The following ZNF3 variants were observed in gnomAD, a reference collection of about 807,000 sequenced individuals.
ZNF3 encodes zinc finger protein 3, also known as C2-H2 type zinc finger protein.
Under a neutral mutation model 36.9 loss-of-function variants are expected in ZNF3, and 16 were observed. The ratio of observed to expected loss-of-function variants is 0.43; its 90% CI spans 0.29 to 0.66. The LOEUF (loss-of-function observed/expected upper bound fraction) is 0.66, where lower values mean the gene tolerates loss of function less well. Ranked by LOEUF, ZNF3 falls within the 30% of genes least tolerant of loss-of-function variation. The probability of loss-of-function intolerance (pLI) is 0.13; values close to 1 mark genes in which losing one functional copy is unlikely to be tolerated. For synonymous variants in ZNF3, 201 were observed against 201.9 expected (o/e 1.00, Z 0.04); for missense variants, 462 against 543.1 (o/e 0.85, Z 1.48).
At chr7:100,080,869 T>C (rs1031214665) in intron 1 of ZNF3, among the ~76,000 whole-genome samples, 2 of 152,360 alleles carry the variant, frequency 1.3e-5, no homozygotes. Context: ...CGACTGTCCA[T>C]CAAACACGTA....
downstream of ZNF3, among the ~76,000 whole-genome samples, chr7:100,067,790 C>G (rs929106835): frequency 1.3e-5 from 2 of 152,324 alleles, no homozygotes; most frequent in African/African-American, 4.8e-5. Flanking sequence ...CCATCACTTG[C>G]AAATCCCATC....
intron 3 of ZNF3, among the ~76,000 whole-genome samples, chr7:100,076,588 G>A (rs568010165): frequency 1.3e-5 from 2 of 152,152 alleles, no homozygotes; most frequent in African/African-American, 4.8e-5. Context: ...CACCGCGCTC[G>A]GCCGCAAAGT....
chr7:100,080,907 A>G (rs1794899147), intron 1 of ZNF3, among the ~76,000 whole-genome samples: 1 of 152,230 alleles, frequency 6.6e-6, no homozygotes, highest in Non-Finnish European at 1.5e-5. Context: ...CTCTCCACAG[A>G]TGTCTTTTCT....
chr7:100,074,272 T>G (rs1254375880), intron 5 of ZNF3, among the ~76,000 whole-genome samples: 2 of 152,034 alleles, frequency 1.3e-5, no homozygotes, highest in African/African-American at 4.8e-5. Context: ...CACCTCCACT[T>G]TATTTACTTA....
chr7:100,065,024 C>CT, downstream of ZNF3: 1 of 1,347,434 alleles, frequency 7.4e-7, no homozygotes, highest in Non-Finnish European at 1.0e-6. Flanking sequence ...TCAGAATAAA[C>CT]TTATAACATC....
At position 100,070,391 on chromosome 7, in the gene ZNF3, A is replaced by C; in HGVS notation, c.*752T>G. 2.0e-6 allele frequency: 2 copies of C among 985,466 alleles called. No homozygotes were observed. The highest frequency in any genetic ancestry group is 2.4e-6 in the Non-Finnish European group (2 of 829,988). 61.0% of individuals were successfully genotyped at this position (985,466 alleles called of 1,614,324 possible). On this transcript the variant is annotated 3_prime_UTR_variant, in exon 6 of 6. Transcript: ENST00000299667. Reference sequence around the variant, plus strand: ...GGGAAGAGGACAAGAGAGGACAGCAATCAGAGGCCAACGCTAAGTGCTTCT... The same window carrying C: ...GGGAAGAGGACAAGAGAGGACAGCACTCAGAGGCCAACGCTAAGTGCTTCT...
At chr7:100,064,125 T>C in exon 6 of ZNF3, 1 of 1,614,054 alleles carries the variant, frequency 6.2e-7, no homozygotes, top group Non-Finnish European at 8.5e-7. Context: ...GCACCAAGTG[T>C]GGGAAAGCTT....
chr7:100,080,255 G>A (rs534007362), intron 1 of ZNF3, among the ~76,000 whole-genome samples: 3 of 152,216 alleles, frequency 2.0e-5, no homozygotes, highest in Non-Finnish European at 4.4e-5. Flanking sequence ...GCACAGCTGA[G>A]CCATTAGAAG....
At chr7:100,064,998 C>T, downstream of ZNF3, 1 of 1,531,938 alleles carries the variant, frequency 6.5e-7, no homozygotes, top group Non-Finnish European at 8.9e-7. Flanking sequence ...CCACATTGAA[C>T]ACAATTGAAT....
downstream of ZNF3, chr7:100,063,908 A>G (rs1792479507): frequency 1.2e-6 from 2 of 1,614,196 alleles, no homozygotes; most frequent in Non-Finnish European, 1.7e-6. Context: ...GCCAGCTTAG[A>G]GAGGCAGTGC....
downstream of ZNF3, among the ~76,000 whole-genome samples, chr7:100,068,915 T>C (rs190060630): frequency 6.6e-6 from 1 of 151,922 alleles, no homozygotes; most frequent in Non-Finnish European, 1.5e-5. Context: ...CACCTGCATT[T>C]AAGCGATTCT....
chr7:100,081,390 C>A lies in ZNF3; in HGVS notation c.-198+245G>T, dbSNP rs1334060438. Reference sequence around the variant, plus strand: ...CTTTTAAACGCTCCAGCTGGGTCGCCGTTAAAGTCACAAAACCAGAACCGG... The same window carrying A: ...CTTTTAAACGCTCCAGCTGGGTCGCAGTTAAAGTCACAAAACCAGAACCGG... On this transcript the variant is annotated intron_variant, in intron 1 of 5. Coordinates refer to ENST00000299667, the MANE Select transcript of ZNF3 (RefSeq NM_032924.5). This position sits in a 1 kb window ranked among gnomAD's most constrained non-coding sequence, Gnocchi z 4.3. 2.0e-5 allele frequency among the ~76,000 whole-genome samples: 3 copies of A among 152,236 alleles called. No homozygotes were observed.
intron 5 of ZNF3, among the ~76,000 whole-genome samples, chr7:100,073,611 A>G (rs1584428589): frequency 6.6e-6 from 1 of 151,774 alleles, no homozygotes; most frequent in African/African-American, 2.4e-5. Context: ...CAGTCTCCCA[A>G]AGTGCTGGGA....
In ZNF3 at chr7:100,070,249, G is replaced by T; in HGVS notation, c.*894C>A. On this transcript the variant is annotated 3_prime_UTR_variant, in exon 6 of 6. Coordinates refer to ENST00000299667, the MANE Select transcript of ZNF3 (RefSeq NM_032924.5). ...AAGAGTCAGAGGTGGAGGCAGGAGT[G>T]GTCTGGCTCCTGGGGCTGGGTGTCA... The T allele has an allele frequency of 2.0e-6, 2 of 985,486 alleles. No individual in the cohort carries two copies. Among genetic ancestry groups the T allele is most frequent in the Non-Finnish European group, 2.4e-6 (2 of 830,012 alleles). 61.0% of individuals were successfully genotyped at this position (985,486 alleles called of 1,614,324 possible).
Position 100,070,947 on chromosome 7 carries a change from C to T in ZNF3, c.*196G>A, listed in dbSNP as rs575445551. The T allele has an allele frequency of 2.7e-5, 37 of 1,374,852 alleles. No individual in the cohort carries two copies. The highest frequency in any genetic ancestry group is 2.0e-4 in the African/African-American group (14 of 69,090). The allele number at this position is 1,374,852 out of a possible 1,614,324, so 85.2% of individuals were successfully genotyped here. A position where few individuals can be genotyped will look rare whatever the true frequency, so the allele number is the denominator to read the frequency against. ...CCAGAGCTGCTTTCTATTCCCAGCA[C>T]GCCATCCACTTGCCTTGACGCTTTC... On this transcript the variant is annotated 3_prime_UTR_variant, in exon 6 of 6. Coordinates refer to ENST00000299667, the MANE Select transcript of ZNF3 (RefSeq NM_032924.5).
intron 1 of ZNF3, 38 bp from the exon 2 acceptor site, chr7:100,079,694 T>A (rs939874559): frequency 6.6e-6 from 1 of 152,128 alleles, no homozygotes; most frequent in African/African-American, 2.4e-5. Context: ...TTTAAAATAT[T>A]CATGCAAACG....
Position 100,071,014 on chromosome 7 carries a change from C to G in ZNF3, c.*129G>C. ...TCTGGGAAAATTCAACGATTTGCCC[C>G]ATCTGCCCCATTCTCTAAAATGAAA... On this transcript the variant is annotated 3_prime_UTR_variant, in exon 6 of 6. Transcript: ENST00000299667. 1 of 1,484,768 alleles carries G rather than the reference C, an allele frequency of 6.7e-7. No homozygotes were observed. The allele number at this position is 1,484,768 out of a possible 1,614,324, so 92.0% of individuals were successfully genotyped here.
At chr7:100,077,593 T>C in intron 2 of ZNF3, 160 bp from the exon 3 acceptor site, 1 of 619,136 alleles carries the variant, frequency 1.6e-6, no homozygotes, top group Non-Finnish European at 2.4e-6. Context: ...ATTTTTTTTT[T>C]CCTTTTTGTG....
At chr7:100,064,478 G>A in exon 6 of ZNF3, 1 of 1,613,800 alleles carries the variant, frequency 6.2e-7, no homozygotes, top group South Asian at 1.1e-5. Flanking sequence ...TTCAACCACA[G>A]CTCCAACTTC....
Sources: allele counts gnomAD v4.1 joint callset (sites outside exome capture counted in the v4.1 genomes callset), GRCh38; gene constraint gnomAD v4.1.1; non-coding constraint Gnocchi (gnomAD v3.1); transcripts MANE v1.5; gene names NCBI Gene and HGNC (gene_info 2026-07-23, HGNC 2026-07-21).